SGSH: variants seen among roughly 807,000 people sequenced by gnomAD.
SGSH encodes heparan sulfate sulfatase.
SGSH carries 48 observed loss-of-function variants against 51.0 expected under a neutral mutation model. That is an observed-to-expected ratio of 0.94 (90% CI 0.75 to 1.20). SGSH has a LOEUF of 1.20. Ranked by LOEUF, SGSH falls within the 50% of genes most tolerant of loss-of-function variation. The pLI is 0.00. For missense variants in SGSH, 662 were observed against 717.8 expected, an observed-to-expected ratio of 0.92 and a Z score of 0.89; for synonymous variants, 321 against 313.4, an observed-to-expected ratio of 1.02 and a Z score of -0.26.
Position 80,213,987 on chromosome 17 carries a change from G to T in SGSH, c.664-102C>A. ...CCTGCAAATGGGTTAGCCCAGAACAGCCTCACTCCGGACCACCCCGTCTCT... is the reference window on the plus strand; with the variant it reads ...CCTGCAAATGGGTTAGCCCAGAACATCCTCACTCCGGACCACCCCGTCTCT... On this transcript the variant is annotated intron_variant, in intron 5 of 7. Transcript: ENST00000326317. The surrounding 1 kb of genome is among the most constrained non-coding windows in gnomAD (Gnocchi z 4.6). 1 of 1,332,620 alleles carries T rather than the reference G, an allele frequency of 7.5e-7. No homozygotes were observed. The highest frequency in any genetic ancestry group is 1.0e-6 in the Non-Finnish European group (1 of 956,808). The allele number at this position is 1,332,620 out of a possible 1,614,324, so 82.5% of individuals were successfully genotyped here.
In SGSH at chr17:80,210,383, G is replaced by T; in HGVS notation, c.*69C>A. 1 of 1,488,306 alleles carries T rather than the reference G, an allele frequency of 6.7e-7. No individual in the cohort carries two copies. The highest frequency in any genetic ancestry group is 8.9e-7 in the Non-Finnish European group (1 of 1,119,284). The allele number at this position is 1,488,306 out of a possible 1,614,324, so 92.2% of individuals were successfully genotyped here. On this transcript the variant is annotated 3_prime_UTR_variant, in exon 8 of 8. Transcript: ENST00000326317. ...GTTGCCACTACTCCCCAGGCTGGCC[G>T]GCCACACGGACACGTGTGGGATGTG... is the stretch of plus-strand genomic sequence containing the variant.
chr17:80,213,900 G>T lies in SGSH; in HGVS notation c.664-15C>A. The stretch of plus-strand genomic sequence containing the variant: ...AAGTAAGGCACCTGGGGCAGGCGGT[G>T]GGGAGCCAGGCTTAGAACAGACAGA... On this transcript the variant is annotated splice_polypyrimidine_tract_variant and intron_variant, in intron 5 of 7. Coordinates refer to ENST00000326317, the MANE Select transcript of SGSH (RefSeq NM_000199.5). This position sits in a 1 kb window ranked among gnomAD's most constrained non-coding sequence, Gnocchi z 4.6. 6.3e-7 allele frequency: 1 copy of T among 1,596,130 alleles called. No individual in the cohort carries two copies.
chr17:80,208,693 G>A (rs1445676597), downstream of SGSH: 2 of 233,168 alleles, frequency 8.6e-6, no homozygotes, highest in Admixed American at 5.7e-5. Context: ...CCGCCTGTCT[G>A]CAGGCCCGAT....
chr17:80,212,329 G>T lies in SGSH; in HGVS notation c.746-55C>A. On this transcript the variant is annotated intron_variant, in intron 6 of 7. Transcript: ENST00000326317. This position sits in a 1 kb window ranked among gnomAD's most constrained non-coding sequence, Gnocchi z 5.9. ...AGCCGCAGACACGGAGGGAGGCAGC[G>T]GGTGGTGTGTGTAGACCCACCTGCT... 1 of 1,491,572 alleles carries T rather than the reference G, an allele frequency of 6.7e-7. No homozygotes were observed. The highest frequency in any genetic ancestry group is 9.2e-7 in the Non-Finnish European group (1 of 1,091,422). 92.4% of individuals were successfully genotyped at this position (1,491,572 alleles called of 1,614,324 possible).
Position 80,212,218 on chromosome 17 carries a change from C to G in SGSH, c.802G>C (p.Val268Leu), listed in dbSNP as rs1473344646. The G allele has an allele frequency of 1.2e-6, 2 of 1,613,214 alleles. No individual in the cohort carries two copies. Among genetic ancestry groups the G allele is most frequent in the African/African-American group, 2.7e-5 (2 of 74,924 alleles). ...RDAGVLNDTL[V>L]IFTSDNGIPF... Reference sequence around the variant, plus strand: ...ATCCCGTTGTCGGACGTGAAGATCACCAGTGTGTCGTTCAGGACACCGGCG... The same window carrying G: ...ATCCCGTTGTCGGACGTGAAGATCAGCAGTGTGTCGTTCAGGACACCGGCG... The change falls in exon 7 of 8, where the codon GTG (valine) becomes CTG (leucine). Residue 268 changes from valine to leucine, a missense_variant. Coordinates refer to ENST00000326317, the MANE Select transcript of SGSH (RefSeq NM_000199.5). This position sits in a 1 kb window ranked among gnomAD's most constrained non-coding sequence, Gnocchi z 5.9.
rs1244090837 is a variant in SGSH, at chr17:80,215,108, C to A, written c.280G>T (p.Asp94Tyr). The change falls in exon 3 of 8, where the codon GAC becomes TAC. Residue 94 changes from aspartate (D) to tyrosine (Y), a missense_variant. Coordinates refer to ENST00000326317, the MANE Select transcript of SGSH (RefSeq NM_000199.5). The part of the protein sequence containing the change: ...HQNGMYGLHQ[D>Y]VHHFNSFDKV... ...TCGAAGGAGTTGAAGTGGTGCACGT[C>A]CTGGTGCAGCCCGTACATCCCATTC... 7.4e-6 allele frequency: 12 copies of A among 1,612,130 alleles called. No homozygotes were observed. Among genetic ancestry groups the A allele is most frequent in the Non-Finnish European group, 1.0e-5 (12 of 1,179,876 alleles).
chr17:80,214,055 G>A (rs767279396), intron 5 of SGSH, 117 bp downstream of exon 5: 24 of 1,417,878 alleles, frequency 1.7e-5, no homozygotes, highest in South Asian at 3.7e-5. Context: ...ACCTGAATCC[G>A]ATTTGGTCAG....
chr17:80,218,955 T>C (rs1235836107), intron 1 of SGSH, among the ~76,000 whole-genome samples: 1 of 149,516 alleles, frequency 6.7e-6, no homozygotes, highest in Non-Finnish European at 1.5e-5. Flanking sequence ...AGCCCAGGAG[T>C]TCGAGACCAG....
At chr17:80,208,516 C>A, downstream of SGSH, 1 of 562,406 alleles carries the variant, frequency 1.8e-6, no homozygotes, top group African/African-American at 1.9e-5. Flanking sequence ...AGGTCACACA[C>A]AGTGAAGCCA....
chr17:80,209,426 TCGAGGGGTGTCCAGGC>T lies in SGSH; in HGVS notation c.*1010_*1025del, dbSNP rs879490165. ...CCTACTCAAGGAAGCGCCCTCTCCT[TCGAGGGGTGTCCAGGC>T]CGAGGGGTGTCCAGGCCGGGCTTCT... On this transcript the variant is annotated 3_prime_UTR_variant, in exon 8 of 8. Transcript: ENST00000326317. 517 of 985,338 alleles carry T rather than the reference TCGAGGGGTGTCCAGGC, an allele frequency of 5.2e-4. No homozygotes were observed. Among genetic ancestry groups the T allele is most frequent in the Non-Finnish European group, 5.7e-4 (476 of 830,076 alleles). The allele number at this position is 985,338 out of a possible 1,614,324, so 61.0% of individuals were successfully genotyped here.
chr17:80,204,341 G>T, downstream of SGSH: 2 of 1,552,882 alleles, frequency 1.3e-6, no homozygotes, highest in South Asian at 2.3e-5. Flanking sequence ...CAGGATGGAG[G>T]GTGAGGCCTG....
In SGSH at chr17:80,213,598, G is replaced by A; in HGVS notation, c.745+206C>T. On this transcript the variant is annotated intron_variant, in intron 6 of 7. Coordinates refer to ENST00000326317, the MANE Select transcript of SGSH (RefSeq NM_000199.5). The surrounding 1 kb of genome is among the most constrained non-coding windows in gnomAD (Gnocchi z 4.6). Reference sequence around the variant, plus strand: ...GGCACCCGAAGGCCCCAGCCCAGGAGCAGGTCCACATCAGGGCAGCCCCGG... The same window carrying A: ...GGCACCCGAAGGCCCCAGCCCAGGAACAGGTCCACATCAGGGCAGCCCCGG... 1 of 598,792 alleles carries A rather than the reference G, an allele frequency of 1.7e-6. No individual in the cohort carries two copies. The highest frequency in any genetic ancestry group is 2.0e-5 in the South Asian group (1 of 50,544). 37.1% of individuals were successfully genotyped at this position (598,792 alleles called of 1,614,324 possible).
downstream of SGSH, chr17:80,208,030 G>A: frequency 1.3e-6 from 1 of 790,308 alleles, no homozygotes; most frequent in East Asian, 2.8e-5. Flanking sequence ...TCAAAGCGAG[G>A]CCACCTGTGT....
chr17:80,210,550 A>T lies in SGSH; in HGVS notation c.1411T>A (p.Trp471Arg), dbSNP rs1424066261. Residue 471 changes from tryptophan to arginine, a missense_variant, in exon 8 of 8, where the codon TGG becomes AGG. Coordinates refer to ENST00000326317, the MANE Select transcript of SGSH (RefSeq NM_000199.5). ...LEMLRDQLAK[W>R]QWETHDPWVC... ...CAGGGGTCGTGGGTCTCCCACTGCC[A>T]CTTGGCCAGCTGGTCCCGAAGCATC... 6.2e-7 allele frequency: 1 copy of T among 1,612,524 alleles called. No homozygotes were observed. The highest frequency in any genetic ancestry group is 1.3e-5 in the African/African-American group (1 of 74,886).
chr17:80,217,247 C>T (rs933773089), intron 1 of SGSH, 55 bp from the exon 2 acceptor site: 1 of 1,561,586 alleles, frequency 6.4e-7, no homozygotes, highest in African/African-American at 1.3e-5. Context: ...CGAGAAACAG[C>T]ACTGGGAGTG....
downstream of SGSH, chr17:80,204,769 G>C (rs1311884519): frequency 4.3e-6 from 2 of 463,646 alleles, no homozygotes; most frequent in East Asian, 3.4e-5. Flanking sequence ...ATCCTCCCTT[G>C]GGCCTATAGG....
At chr17:80,219,126 C>G (rs1008071958) in intron 1 of SGSH, among the ~76,000 whole-genome samples, 4 of 135,074 alleles carry the variant, frequency 3.0e-5, no homozygotes, top group African/African-American at 1.1e-4. Context: ...TGCTACTGTG[C>G]TCCAGCCTGG....
Position 80,210,590 on chromosome 17 carries a change from A to G in SGSH, c.1371T>C (p.Phe457=), listed in dbSNP as rs867660906. The G allele has an allele frequency of 9.3e-6, 15 of 1,613,438 alleles. No individual in the cohort carries two copies. In the Middle Eastern group the frequency reaches 6.6e-4, roughly 71 times the overall value. The part of the protein sequence containing the change: ...ETQNLATDPR[F]AQLLEMLRDQ... ...CCCGAAGCATCTCCAGAAGCTGAGC[A>G]AAGCGCGGGTCGGTGGCCAGGTTCT... The change falls in exon 8 of 8, where the codon TTT becomes TTC. Residue 457 remains phenylalanine (F), a synonymous_variant. Transcript: ENST00000326317.
downstream of SGSH, chr17:80,204,320 T>A (rs139595123): frequency 6.3e-7 from 1 of 1,586,144 alleles, no homozygotes; most frequent in Non-Finnish European, 8.6e-7. Context: ...CAGGGGCCAG[T>A]TGGACCCCAG....
Sources: gnomAD v4.1 joint callset for allele counts (sites outside exome capture counted in the v4.1 genomes callset) on GRCh38, gnomAD v4.1.1 for gene constraint, Gnocchi (gnomAD v3.1) non-coding constraint, MANE v1.5 for transcripts, NCBI Gene and HGNC (gene_info 2026-07-23, HGNC 2026-07-21) for gene names.